The following LACTBL1 variants were observed in gnomAD, a reference collection of about 807,000 sequenced individuals.
The protein encoded by LACTBL1 is beta-lactamase-like protein 1.
In LACTBL1, 29 loss-of-function variants were observed where a neutral mutation model predicts 39.6. The observed-to-expected ratio is 0.73, with a 90% CI of 0.55 to 1.00. The LOEUF is 1.00. LACTBL1 is among the 50% of genes least tolerant of loss of function. The pLI, the probability that LACTBL1 is intolerant of heterozygous loss-of-function variation, is 0.00. For missense variants in LACTBL1, 711 were observed against 748.5 expected, an observed-to-expected ratio of 0.95 and a Z score of 0.59; for synonymous variants, 361 against 360.7, an observed-to-expected ratio of 1.00 and a Z score of -0.01.
At chr1:22,966,574 A>C (rs1640878617), upstream of LACTBL1, among the ~76,000 whole-genome samples, 1 of 152,200 alleles carries the variant, frequency 6.6e-6, no homozygotes, top group South Asian at 2.1e-4. Flanking sequence ...TTAAATGTGG[A>C]CAAATTCCCT....
At chr1:22,961,350 CT>C (rs1293997402) in intron 2 of LACTBL1, among the ~76,000 whole-genome samples, 1 of 151,938 alleles carries the variant, frequency 6.6e-6, no homozygotes, top group Non-Finnish European at 1.5e-5. Flanking sequence ...AGCCCCACTT[CT>C]TTTTTTGTTG....
In LACTBL1 at chr1:22,959,941, C is replaced by T; in HGVS notation, c.317+1G>A. 1 of 1,551,194 alleles carries T rather than the reference C, an allele frequency of 6.4e-7. No homozygotes were observed. Among genetic ancestry groups the T allele is most frequent in the Admixed American group, 2.0e-5 (1 of 51,006 alleles). On this transcript the variant is annotated splice_donor_variant, in intron 3 of 5. Transcript: ENST00000426928. LOFTEE classifies it high-confidence loss of function. ...AGGACCCTAGAGATCACCCAGCTGA[C>T]CTGTACATGGTGTACTCATTGGGGG... is the stretch of plus-strand genomic sequence containing the variant.
chr1:22,969,900 A>G (rs372772836), upstream of LACTBL1, among the ~76,000 whole-genome samples: 18 of 152,280 alleles, frequency 1.2e-4, no homozygotes, highest in African/African-American at 4.1e-4. Flanking sequence ...TTGGACACCT[A>G]GTACCCCACC....
intron 2 of LACTBL1, among the ~76,000 whole-genome samples, chr1:22,961,326 C>T (rs1640820181): frequency 6.6e-6 from 1 of 151,988 alleles, no homozygotes; most frequent in African/African-American, 2.4e-5. Flanking sequence ...AGATTGGAAC[C>T]CTGTGCTAAG....
intron 4 of LACTBL1, 62 bp from the exon 7 acceptor site, chr1:22,955,488 G>A: frequency 9.3e-7 from 1 of 1,079,694 alleles, no homozygotes; most frequent in Non-Finnish European, 1.4e-6. Context: ...TGGGCCCCTG[G>A]GTGCACTCCC....
chr1:22,953,260 T>C (rs1233968951), exon 6 of LACTBL1: 1 of 1,231,652 alleles, frequency 8.1e-7, no homozygotes, highest in Non-Finnish European at 1.0e-6. Flanking sequence ...GCCGTGCAGG[T>C]GGCGCAGCGC....
At chr1:22,959,716 G>A (rs1640799913) in intron 3 of LACTBL1, among the ~76,000 whole-genome samples, 1 of 152,196 alleles carries the variant, frequency 6.6e-6, no homozygotes, top group Admixed American at 6.5e-5. Flanking sequence ...TTCCAGAAGG[G>A]ATTCCTTCCT....
exon 6 of LACTBL1, chr1:22,953,347 C>T (rs1419022455): frequency 1.6e-6 from 2 of 1,228,942 alleles, no homozygotes; most frequent in Non-Finnish European, 2.0e-6. Context: ...GCCCGCCGGC[C>T]CGGCGCGCAC....
chr1:22,968,855 T>TG (rs766667132), upstream of LACTBL1, among the ~76,000 whole-genome samples: 16 of 152,246 alleles, frequency 1.1e-4, no homozygotes, highest in Non-Finnish European at 2.1e-4. Context: ...TCTGACACAT[T>TG]GTAAGCCCTG....
chr1:22,966,524 G>C (rs1030521066), upstream of LACTBL1, among the ~76,000 whole-genome samples: 1 of 152,190 alleles, frequency 6.6e-6, no homozygotes, highest in Non-Finnish European at 1.5e-5. Flanking sequence ...ATCTTACAGA[G>C]AAATATTATG....
In LACTBL1 at chr1:22,959,881, G is replaced by GGTCT. The variant is rs1640801805; in HGVS notation, c.317+57_317+60dup. ...TTCTCTTCAGTATCCTTACCTCCTA[G>GGTCT]GTCTCCCTTGCCCTCCCATCCCTTA... On this transcript the variant is annotated intron_variant, in intron 3 of 5. Transcript: ENST00000426928. 16 of 1,528,704 alleles carry GGTCT rather than the reference G, an allele frequency of 1.0e-5. No homozygotes were observed. In the Admixed American group the frequency reaches 1.4e-4, roughly 13 times the overall value. The allele number at this position is 1,528,704 out of a possible 1,614,324, so 94.7% of individuals were successfully genotyped here. A position where few individuals can be genotyped will look rare whatever the true frequency, so the allele number is the denominator to read the frequency against.
chr1:22,970,809 C>CAAA, the LACTBL1 span, among the ~76,000 whole-genome samples: 223 of 80,174 alleles, frequency 2.8e-3, 1 homozygote, highest in Non-Finnish European at 4.6e-3. Context: ...GACCCTGTCT[C>CAAA]AAAAAAAAAA....
upstream of LACTBL1, among the ~76,000 whole-genome samples, chr1:22,969,072 C>G (rs1231984426): frequency 6.6e-6 from 1 of 152,144 alleles, no homozygotes; most frequent in Non-Finnish European, 1.5e-5. Flanking sequence ...ATCACTGTGC[C>G]TGGCCAACTA....
chr1:22,962,970 G>T lies in LACTBL1; in HGVS notation c.159+137C>A, dbSNP rs578051047. The T allele has an allele frequency of 9.2e-6, 4 of 434,284 alleles. No individual in the cohort carries two copies. In the East Asian group the frequency reaches 1.4e-4, roughly 15 times the overall value. The allele number at this position is 434,284 out of a possible 1,614,324, so 26.9% of individuals were successfully genotyped here. On this transcript the variant is annotated intron_variant, in intron 2 of 5. Transcript: ENST00000426928. ...CTTCCTGCCATATCCATAGTGCCTC[G>T]CACAGAGTAGATGCTCAAGAAATAC... is the stretch of plus-strand genomic sequence containing the variant.
Position 22,960,605 on chromosome 1 carries a change from G to A in LACTBL1, c.160-506C>T, listed in dbSNP as rs915932341. ...GTACTCCAGCCCAGGCAGCAAGAGCGAAACTCCGTCTCAAAAAAAAAAAAA... is the reference window on the plus strand; with the variant it reads ...GTACTCCAGCCCAGGCAGCAAGAGCAAAACTCCGTCTCAAAAAAAAAAAAA... On this transcript the variant is annotated intron_variant, in intron 2 of 5. Transcript: ENST00000426928. Among the ~76,000 whole-genome samples, 11 of 99,350 alleles carry A rather than the reference G, an allele frequency of 1.1e-4. No individual in the cohort carries two copies. The East Asian group carries it at 3.3e-3, about 30-fold the overall frequency. The allele number at this position is 99,350 out of a possible 152,430, so 65.2% of individuals were successfully genotyped here.
chr1:22,965,175 T>G, intron 1 of LACTBL1, 115 bp downstream of exon 3: 2 of 938,858 alleles, frequency 2.1e-6, no homozygotes, highest in South Asian at 5.2e-5. Context: ...GTCCAGAGCT[T>G]CTGAGTCTAA....
At chr1:22,965,322 A>G in exon 1 of LACTBL1, 1 of 1,319,780 alleles carries the variant, frequency 7.6e-7, no homozygotes, top group Non-Finnish European at 9.7e-7. Context: ...ATACTGCCAC[A>G]GGAAGCAGCC....
upstream of LACTBL1, among the ~76,000 whole-genome samples, chr1:22,965,666 GA>G (rs1302020449): frequency 6.6e-6 from 1 of 152,102 alleles, no homozygotes; most frequent in Non-Finnish European, 1.5e-5. Flanking sequence ...TGGACTTAGT[GA>G]AATATCGTAA....
At chr1:22,966,270 T>C (rs935326222), upstream of LACTBL1, among the ~76,000 whole-genome samples, 8 of 152,242 alleles carry the variant, frequency 5.3e-5, no homozygotes, top group African/African-American at 1.9e-4. Context: ...ATTGAGGATA[T>C]ACTGATGAAC....
Sources: gnomAD v4.1 joint callset for allele counts (sites outside exome capture counted in the v4.1 genomes callset) on GRCh38, gnomAD v4.1.1 for gene constraint, MANE v1.5 for transcripts, NCBI Gene and HGNC (gene_info 2026-07-23, HGNC 2026-07-21) for gene names.